The following LYST variants were observed in gnomAD, a reference collection of about 807,000 sequenced individuals.
The protein encoded by LYST is lysosomal-trafficking regulator.
LYST carries 192 observed loss-of-function variants against 413.6 expected under a neutral mutation model. That is an observed-to-expected ratio of 0.46 (90% CI 0.41 to 0.52). LYST has a LOEUF of 0.52. Ranked by LOEUF, LYST falls within the 20% of genes least tolerant of loss-of-function variation. The pLI is 0.00. For synonymous variants in LYST, 1,525 were observed against 1,567.3 expected, an observed-to-expected ratio of 0.97 and a Z score of 0.64; for missense variants, 3,815 against 4,499.9, an observed-to-expected ratio of 0.85 and a Z score of 4.35.
intron 45 of LYST, among the ~76,000 whole-genome samples, chr1:235,700,929 T>C (rs1421104993): frequency 6.6e-6 from 1 of 152,128 alleles, no homozygotes; most frequent in African/African-American, 2.4e-5. Flanking sequence ...ATACAATATG[T>C]CAGGTGATAG....
rs777617355 is a variant in LYST at position 235,788,820 on chromosome 1, C to T, written c.4569G>A (p.Glu1523=). 1 of 1,613,674 alleles carries T rather than the reference C, an allele frequency of 6.2e-7. No homozygotes were observed. Among genetic ancestry groups the T allele is most frequent in the South Asian group, 1.1e-5 (1 of 91,076 alleles). ...GTESDRPEGA[E]YINPGERLIE... is the part of the protein sequence containing the mutation. Reference sequence around the variant, plus strand: ...TGAGTCTTTCACCAGGATTTATGTACTCTGCACCTTCTGGTCTGTCGCTCT... The same window carrying T: ...TGAGTCTTTCACCAGGATTTATGTATTCTGCACCTTCTGGTCTGTCGCTCT... The change falls in exon 13 of 53, where the codon GAG becomes GAA. Residue 1523 remains glutamate, a synonymous_variant. Coordinates refer to ENST00000389793, the MANE Select transcript of LYST (RefSeq NM_000081.4).
intron 46 of LYST, 66 bp downstream of exon 46, chr1:235,697,017 G>A (rs1197162735): frequency 6.7e-7 from 1 of 1,483,208 alleles, no homozygotes; most frequent in Non-Finnish European, 9.4e-7. Context: ...CAGCACAGAT[G>A]AGCTAGAAAT....
chr1:235,752,992 C>T, intron 26 of LYST, 52 bp downstream of exon 26: 1 of 1,009,424 alleles, frequency 9.9e-7, no homozygotes. Context: ...TAAAGTTTTC[C>T]TGTTCTAAAG....
Position 235,793,545 on chromosome 1 carries a change from T to A in LYST, c.4074A>T (p.Leu1358=). ...LMSSRTCSEE[L]TLLLRIFLEK... ...CCAGAAATATTCTCAAAAGAAGGGT[T>A]AGCTCTTCTGAACATGTTCTTGAAC... The change falls in exon 11 of 53, where the codon CTA becomes CTT. Residue 1358 remains leucine, a synonymous_variant. Transcript: ENST00000389793. The A allele has an allele frequency of 6.3e-7, 1 of 1,595,030 alleles. No individual in the cohort carries two copies. Among genetic ancestry groups the A allele is most frequent in the African/African-American group, 1.3e-5 (1 of 74,646 alleles).
chr1:235,864,947 T>A (rs1228155491), intron 1 of LYST, among the ~76,000 whole-genome samples: 1 of 152,176 alleles, frequency 6.6e-6, no homozygotes, highest in African/African-American at 2.4e-5. Flanking sequence ...AAATAAAAGG[T>A]AAGGTTCTTT....
At chr1:235,781,848 A>C in intron 15 of LYST, 79 bp downstream of exon 15, 1 of 953,392 alleles carries the variant, frequency 1.0e-6, no homozygotes, top group East Asian at 2.5e-5. Context: ...GAGAAAAAAA[A>C]CTGGAAATGT....
Position 235,775,023 on chromosome 1 carries a change from T to C in LYST, c.5524A>G (p.Ile1842Val). The change falls in exon 18 of 53, where the codon ATT becomes GTT. Residue 1842 changes from isoleucine to valine, a missense_variant. By Grantham distance (29) the Ile-to-Val change is conservative (BLOSUM62 3). Transcript: ENST00000389793. ...ALALRVILSL[I>V]KYNQQRVHEL... ...TGTACTCTTTGTTGGTTGTATTTAA[T>C]TAATGAGAGTATAACTCGCAGTGCT... is the stretch of plus-strand genomic sequence containing the variant. The C allele has an allele frequency of 6.2e-7, 1 of 1,611,480 alleles. No homozygotes were observed. The highest frequency in any genetic ancestry group is 8.5e-7 in the Non-Finnish European group (1 of 1,178,568).
chr1:235,777,287 T>TATA lies in LYST; in HGVS notation c.5233_5235dup (p.Tyr1745dup), dbSNP rs1229972374. The TATA allele has an allele frequency of 6.2e-7, 1 of 1,612,578 alleles. No homozygotes were observed. Among genetic ancestry groups the TATA allele is most frequent in the African/African-American group, 1.3e-5 (1 of 74,892 alleles). ...GTATACTGAGCAGGACAGTAAGTTG[T>TATA]ATAAACAACTGAAAGACTTTCCTGA... On this transcript the variant is annotated inframe_insertion, in exon 17 of 53. Transcript: ENST00000389793.
chr1:235,777,452 T>C, intron 16 of LYST, 144 bp from the exon 17 acceptor site: 1 of 692,588 alleles, frequency 1.4e-6, no homozygotes, highest in Non-Finnish European at 2.5e-6. Flanking sequence ...ACTAAACAGA[T>C]AAACATTAGA....
intron 31 of LYST, chr1:235,737,947 C>G: frequency 1.6e-6 from 2 of 1,237,472 alleles, no homozygotes; most frequent in Non-Finnish European, 2.0e-6. Context: ...TGCCCCAACA[C>G]CCGCCGGACG....
In LYST at chr1:235,752,078, T is replaced by C. The variant is rs377333889; in HGVS notation, c.7554A>G (p.Gln2518=). The C allele has an allele frequency of 2.5e-6, 4 of 1,611,168 alleles. No individual in the cohort carries two copies. Among genetic ancestry groups the C allele is most frequent in the Non-Finnish European group, 3.4e-6 (4 of 1,177,686 alleles). The stretch of plus-strand genomic sequence containing the variant: ...TAAGGTCTTCAATAACCCTAAAATA[T>C]TGTGAGCCTGAGGAACTGCAAGCAT... The part of the protein sequence containing the change: ...TIHACSSSGS[Q]YFRVIEDLIV... Residue 2518 remains glutamine, a synonymous_variant, in exon 27 of 53, where the codon CAA becomes CAG. Transcript: ENST00000389793.
intron 39 of LYST, 111 bp from the exon 40 acceptor site, chr1:235,721,016 A>G (rs1663315805): frequency 5.3e-6 from 6 of 1,126,190 alleles, no homozygotes; most frequent in South Asian, 1.3e-5. Flanking sequence ...ATGTCCTCCA[A>G]AAAAAGATTT....
chr1:235,814,374 T>G (rs1295775730), intron 3 of LYST, among the ~76,000 whole-genome samples: 1 of 152,154 alleles, frequency 6.6e-6, no homozygotes, highest in African/African-American at 2.4e-5. Flanking sequence ...AGAAGATATG[T>G]GAATTTTCCC....
chr1:235,820,492 C>G (rs919160579), intron 3 of LYST, among the ~76,000 whole-genome samples: 3 of 152,074 alleles, frequency 2.0e-5, no homozygotes, highest in African/African-American at 7.2e-5. Flanking sequence ...GCCCCAGCCT[C>G]CCAAGTAGCT....
At chr1:235,846,653 A>C (rs1381940588) in intron 1 of LYST, among the ~76,000 whole-genome samples, 3 of 152,154 alleles carry the variant, frequency 2.0e-5, no homozygotes, top group Non-Finnish European at 4.4e-5. Flanking sequence ...AGAAATATTC[A>C]AAGAAATAGA....
chr1:235,816,707 A>G (rs952006177), intron 3 of LYST, among the ~76,000 whole-genome samples: 1 of 152,212 alleles, frequency 6.6e-6, no homozygotes, highest in Non-Finnish European at 1.5e-5. Flanking sequence ...TACTGGTACA[A>G]AAACAGACAC....
chr1:235,799,607 C>T (rs1671967502), intron 10 of LYST, among the ~76,000 whole-genome samples: 1 of 152,092 alleles, frequency 6.6e-6, no homozygotes, highest in Non-Finnish European at 1.5e-5. Context: ...AGCCTTAATT[C>T]TCCAACTAAA....
At chr1:235,843,389 C>T (rs1404888037) in intron 1 of LYST, among the ~76,000 whole-genome samples, 2 of 152,036 alleles carry the variant, frequency 1.3e-5, no homozygotes, top group Non-Finnish European at 1.5e-5. Context: ...ACCCAGAAGC[C>T]GCAGATCAGG....
At chr1:235,874,499 A>C (rs896943205) in intron 1 of LYST, among the ~76,000 whole-genome samples, 1 of 152,174 alleles carries the variant, frequency 6.6e-6, no homozygotes, top group Non-Finnish European at 1.5e-5. Context: ...CAGCCTCTAA[A>C]CTTGAGACTT....
Sources: allele counts gnomAD v4.1 joint callset (sites outside exome capture counted in the v4.1 genomes callset), GRCh38; gene constraint gnomAD v4.1.1; transcripts MANE v1.5; gene names NCBI Gene and HGNC (gene_info 2026-07-23, HGNC 2026-07-21).